SMARCA2: variants seen among roughly 807,000 people sequenced by gnomAD.
The protein encoded by SMARCA2 is SWI/SNF-related matrix-associated actin-dependent regulator of chromatin subfamily A member 2.
In SMARCA2, 61 loss-of-function variants were observed where a neutral mutation model predicts 199.8. The observed-to-expected ratio is 0.31, with a 90% CI of 0.25 to 0.38. The LOEUF is 0.38. SMARCA2 is among the 10% of genes least tolerant of loss of function. SMARCA2 has a pLI of 1.00. For missense variants in SMARCA2, 1,344 were observed against 2,012.2 expected (o/e 0.67, Z 6.35); for synonymous variants, 935 against 732.0 (o/e 1.28, Z -4.48).
At position 2,067,325 on chromosome 9, in the gene SMARCA2, C is replaced by T. The variant is rs146112843; in HGVS notation, c.1693-3093C>T. Among the ~76,000 whole-genome samples, 201 of 152,318 alleles carry T rather than the reference C, an allele frequency of 1.3e-3. 1 individual carries two copies. The highest frequency in any genetic ancestry group is 4.4e-3 in the African/African-American group (182 of 41,562). On this transcript the variant is annotated intron_variant, in intron 9 of 33. Coordinates refer to ENST00000349721, the MANE Select transcript of SMARCA2 (RefSeq NM_003070.5). ...CTTCAATCACCAAATATTTATTTAG[C>T]GCCTTTTAAGTGCCTGATGCCCTTG...
intron 4 of SMARCA2, chr9:2,040,275 A>G (rs755587266): frequency 5.2e-6 from 2 of 387,612 alleles, no homozygotes; most frequent in Non-Finnish European, 9.2e-6. Flanking sequence ...CAGCCCCACT[A>G]GAGCCATTTT....
intron 27 of SMARCA2, chr9:2,158,961 A>G: frequency 6.2e-7 from 1 of 1,612,302 alleles, no homozygotes. Flanking sequence ...ATAAAACCTT[A>G]GTTTGAGGGG....
In SMARCA2 at chr9:2,170,538, G is replaced by T; in HGVS notation, c.4253+66G>T. ...TATCCCTCGTTACGTGAAACAGATTGAATCATATAATCGGCCTTTGGAAGC... is the reference window on the plus strand; with the variant it reads ...TATCCCTCGTTACGTGAAACAGATTTAATCATATAATCGGCCTTTGGAAGC... On this transcript the variant is annotated intron_variant, in intron 29 of 33. Coordinates refer to ENST00000349721, the MANE Select transcript of SMARCA2 (RefSeq NM_003070.5). This position sits in a 1 kb window ranked among gnomAD's most constrained non-coding sequence, Gnocchi z 4.7. 1 of 1,611,568 alleles carries T rather than the reference G, an allele frequency of 6.2e-7. No homozygotes were observed. Among genetic ancestry groups the T allele is most frequent in the South Asian group, 1.1e-5 (1 of 90,588 alleles).
intron 4 of SMARCA2, chr9:2,042,063 A>G (rs1819630686): frequency 6.6e-6 from 1 of 152,232 alleles, no homozygotes; most frequent in Non-Finnish European, 1.5e-5. Flanking sequence ...AAAAAAACCT[A>G]TCACAAAGTC....
chr9:2,095,089 T>A (rs1822215692), intron 19 of SMARCA2, among the ~76,000 whole-genome samples: 1 of 119,496 alleles, frequency 8.4e-6, no homozygotes, highest in Non-Finnish European at 1.8e-5. Context: ...AAAATTAGAA[T>A]TTTTTTTTTT....
chr9:2,035,137 G>T (rs903555006), intron 3 of SMARCA2, among the ~76,000 whole-genome samples: 1 of 151,932 alleles, frequency 6.6e-6, no homozygotes, highest in African/African-American at 2.4e-5. Flanking sequence ...TACCTCCCGG[G>T]TTCAAGCGAT....
Position 2,182,029 on chromosome 9 carries a change from AG to A in SMARCA2, c.4360-109del. ...GGTTATGCAGTCCCAGATCCCTGGC[AG>A]GGCTTTATGCTGTGAAGACAAAGGG... On this transcript the variant is annotated intron_variant, in intron 30 of 33. Transcript: ENST00000349721. The A allele has an allele frequency of 6.4e-6, 5 of 786,630 alleles. 1 individual carries two copies. The highest frequency in any genetic ancestry group is 4.2e-5 in the South Asian group (3 of 71,558). 48.7% of individuals were successfully genotyped at this position (786,630 alleles called of 1,614,324 possible).
intron 18 of SMARCA2, among the ~76,000 whole-genome samples, chr9:2,087,936 A>G (rs1299892549): frequency 6.6e-6 from 1 of 152,326 alleles, no homozygotes; most frequent in South Asian, 2.1e-4. Flanking sequence ...CGGGAAATGT[A>G]TAAGATGGAC....
At chr9:2,145,357 G>T (rs977412073) in intron 27 of SMARCA2, among the ~76,000 whole-genome samples, 1 of 151,158 alleles carries the variant, frequency 6.6e-6, no homozygotes, top group African/African-American at 2.4e-5. Flanking sequence ...ACTATAGAAA[G>T]GAGAGATATT....
intron 19 of SMARCA2, among the ~76,000 whole-genome samples, chr9:2,092,798 G>C (rs1822114619): frequency 6.6e-6 from 1 of 152,128 alleles, no homozygotes; most frequent in Non-Finnish European, 1.5e-5. Flanking sequence ...CTTACTGGGA[G>C]AATCACCCCC....
chr9:2,123,694 G>A lies in SMARCA2; in HGVS notation c.3763-25G>A. 4 of 1,608,830 alleles carry A rather than the reference G, an allele frequency of 2.5e-6. No individual in the cohort carries two copies. The highest frequency in any genetic ancestry group is 3.4e-6 in the Non-Finnish European group (4 of 1,175,890). ...CACCATACAGAAGCCCTGACTTTCGGTGACCCTCTTATTAATGTCTCCAGC... is the reference window on the plus strand; with the variant it reads ...CACCATACAGAAGCCCTGACTTTCGATGACCCTCTTATTAATGTCTCCAGC... On this transcript the variant is annotated intron_variant, in intron 26 of 33. Transcript: ENST00000349721. The surrounding 1 kb of genome is among the most constrained non-coding windows in gnomAD (Gnocchi z 4.1).
chr9:2,186,898 C>T (rs1258329239), intron 32 of SMARCA2, among the ~76,000 whole-genome samples: 4 of 152,222 alleles, frequency 2.6e-5, no homozygotes, highest in African/African-American at 9.6e-5. Flanking sequence ...CTGCTAATGC[C>T]ACCTATCTTC....
chr9:2,016,846 C>T lies in SMARCA2; in HGVS notation c.-37+1442C>T, dbSNP rs1280800065. ...CCACCCGGCCGTCTTCCCTTCCTCC[C>T]GTTTGCGTTGCAAAACACGGCCATG... is the stretch of plus-strand genomic sequence containing the variant. On this transcript the variant is annotated intron_variant, in intron 1 of 33. Transcript: ENST00000349721. This position sits in a 1 kb window ranked among gnomAD's most constrained non-coding sequence, Gnocchi z 5.6. 1.3e-5 allele frequency among the ~76,000 whole-genome samples: 2 copies of T among 152,214 alleles called. No homozygotes were observed. The highest frequency in any genetic ancestry group is 3.8e-4 in the East Asian group (2 of 5,198).
intron 2 of SMARCA2, among the ~76,000 whole-genome samples, chr9:2,031,525 A>G (rs1462253563): frequency 1.3e-5 from 2 of 152,216 alleles, no homozygotes; most frequent in African/African-American, 4.8e-5. Context: ...TAAAAATTCA[A>G]TGTGTGAGTG....
chr9:2,094,910 G>A (rs1294986968), intron 19 of SMARCA2, among the ~76,000 whole-genome samples: 1 of 152,088 alleles, frequency 6.6e-6, no homozygotes, highest in Non-Finnish European at 1.5e-5. Flanking sequence ...AAATGTCACT[G>A]TGAGTTAACA....
chr9:2,027,661 A>G (rs1818891662), intron 1 of SMARCA2: 1 of 152,062 alleles, frequency 6.6e-6, no homozygotes, highest in Non-Finnish European at 1.5e-5. Flanking sequence ...CTAGGAGTGG[A>G]AAGAATGTGT....
At chr9:2,145,652 A>G (rs1168116175) in intron 27 of SMARCA2, among the ~76,000 whole-genome samples, 1 of 152,198 alleles carries the variant, frequency 6.6e-6, no homozygotes, top group Non-Finnish European at 1.5e-5. Context: ...ACCTAGAACA[A>G]ATACATTTGG....
intron 27 of SMARCA2, among the ~76,000 whole-genome samples, chr9:2,130,192 C>A (rs1420204427): frequency 6.6e-6 from 1 of 152,202 alleles, no homozygotes; most frequent in East Asian, 1.9e-4. Flanking sequence ...GTAATATATT[C>A]AATCCTGACC....
chr9:2,020,489 T>C (rs767845820), intron 1 of SMARCA2, among the ~76,000 whole-genome samples: 10 of 152,208 alleles, frequency 6.6e-5, no homozygotes, highest in Admixed American at 1.3e-4. Context: ...TAGAAACTTA[T>C]GACTTTATAC....
Sources: gnomAD v4.1 joint callset for allele counts (sites outside exome capture counted in the v4.1 genomes callset) on GRCh38, gnomAD v4.1.1 for gene constraint, Gnocchi (gnomAD v3.1) non-coding constraint, MANE v1.5 for transcripts, NCBI Gene and HGNC (gene_info 2026-07-23, HGNC 2026-07-21) for gene names.